The following DGKH variants were observed in gnomAD, a reference collection of about 807,000 sequenced individuals.
DGKH encodes the protein diacylglycerol kinase eta.
DGKH carries 90 observed loss-of-function variants against 159.3 expected under a neutral mutation model. That is an observed-to-expected ratio of 0.57 (90% confidence interval 0.48 to 0.67). The LOEUF is 0.67. DGKH is among the 30% of genes least tolerant of loss of function. The probability of loss-of-function intolerance (pLI) is 0.00; values close to 1 mark genes in which losing one functional copy is unlikely to be tolerated. For missense variants in DGKH, 1,181 were observed against 1,506.1 expected (o/e 0.78, Z 3.57); for synonymous variants, 536 against 553.8 (o/e 0.97, Z 0.45).
At chr13:42,123,533 A>C (rs1327535010) in intron 1 of DGKH, among the ~76,000 whole-genome samples, 1 of 39,128 alleles carries the variant, frequency 2.6e-5, no homozygotes, top group Non-Finnish European at 5.0e-5. Flanking sequence ...AAAAGATGCC[A>C]TTAATACAAT....
At position 42,209,348 on chromosome 13, in the gene DGKH, C is replaced by T. The variant is rs1183777981; in HGVS notation, c.2733C>T (p.Ile911=). ...HRIAQCRTVK[I]TIFGDEGVPV... The stretch of plus-strand genomic sequence containing the variant: ...TATTTCAGTGCCGTACAGTGAAAAT[C>T]ACTATATTTGGTGACGAAGGAGTCC... The change falls in exon 23 of 30, where the codon ATC becomes ATT. Residue 911 remains isoleucine, a synonymous_variant. Transcript: ENST00000337343. 2 of 1,612,618 alleles carry T rather than the reference C, an allele frequency of 1.2e-6. No homozygotes were observed. Among genetic ancestry groups the T allele is most frequent in the Non-Finnish European group, 1.7e-6 (2 of 1,179,518 alleles).
At chr13:42,215,372 T>C (rs1957763647) in intron 25 of DGKH, among the ~76,000 whole-genome samples, 1 of 152,140 alleles carries the variant, frequency 6.6e-6, no homozygotes, top group Admixed American at 6.6e-5. Context: ...TTCACTGTAA[T>C]CGGTGCATTC....
At chr13:42,119,170 C>T (rs1279251576) in intron 1 of DGKH, among the ~76,000 whole-genome samples, 1 of 152,192 alleles carries the variant, frequency 6.6e-6, no homozygotes, top group Non-Finnish European at 1.5e-5. Context: ...TCCGGAATCC[C>T]CCTTGGCAGT....
intron 26 of DGKH, among the ~76,000 whole-genome samples, chr13:42,217,146 C>T (rs1957821007): frequency 6.6e-6 from 1 of 152,152 alleles, no homozygotes; most frequent in African/African-American, 2.4e-5. Context: ...CTAAGGTTTA[C>T]TCTATATTTT....
In DGKH at chr13:42,241,376, A is replaced by G. The variant is rs969612187; in HGVS notation, c.*12188A>G. ...CAGAGAGGAGTCTCCTTCCACCCAAAAAAACTAACCAAATTATTTTATCAT... is the reference window on the plus strand; with the variant it reads ...CAGAGAGGAGTCTCCTTCCACCCAAGAAAACTAACCAAATTATTTTATCAT... On this transcript the variant is annotated 3_prime_UTR_variant, in exon 30 of 30. Transcript: ENST00000337343. 4 of 152,206 alleles carry G rather than the reference A, an allele frequency of 2.6e-5. No individual in the cohort carries two copies. Among genetic ancestry groups the G allele is most frequent in the Non-Finnish European group, 5.9e-5 (4 of 68,032 alleles). 9.4% of individuals were successfully genotyped at this position (152,206 alleles called of 1,614,324 possible).
intron 29 of DGKH, among the ~76,000 whole-genome samples, chr13:42,226,355 A>G (rs1422266752): frequency 1.3e-5 from 2 of 152,196 alleles, no homozygotes; most frequent in Non-Finnish European, 2.9e-5. Flanking sequence ...GTGGGAATGT[A>G]AATTAGTTCA....
intron 14 of DGKH, among the ~76,000 whole-genome samples, chr13:42,188,466 C>T (rs1288804984): frequency 6.6e-6 from 1 of 152,164 alleles, no homozygotes; most frequent in Non-Finnish European, 1.5e-5. Flanking sequence ...TTGTTCACTC[C>T]TTTGCAAACC....
At chr13:42,211,709 G>GA (rs1300316376) in intron 24 of DGKH, among the ~76,000 whole-genome samples, 5 of 151,776 alleles carry the variant, frequency 3.3e-5, no homozygotes. Flanking sequence ...AAAAAAAGAA[G>GA]AAAAAAAAGA....
At position 42,185,995 on chromosome 13, in the gene DGKH, A is replaced by AGTG. The variant is rs1159558879; in HGVS notation, c.1539-1038_1539-1036dup. 1.1e-4 allele frequency among the ~76,000 whole-genome samples: 16 copies of AGTG among 143,018 alleles called. 1 individual carries two copies. The highest frequency in any genetic ancestry group is 9.4e-4 in the South Asian group (4 of 4,250). 93.8% of individuals were successfully genotyped at this position (143,018 alleles called of 152,430 possible). ...TAGTGTGTGTGTCTGTTGGGGGAGG[A>AGTG]GTGGTGGTGGTGGTGGTGTGTGTGT... On this transcript the variant is annotated intron_variant, in intron 13 of 29. Coordinates refer to ENST00000337343, the MANE Select transcript of DGKH (RefSeq NM_178009.5).
chr13:42,244,903 C>CAAAAAAAAAAAAA, downstream of DGKH, among the ~76,000 whole-genome samples: 1 of 42,966 alleles, frequency 2.3e-5, no homozygotes, highest in Non-Finnish European at 3.8e-5. Flanking sequence ...GACTCCGTCT[C>CAAAAAAAAAAAAA]AAAAAAAAAA....
chr13:42,052,331 T>TTTA (rs2137644011), intron 1 of DGKH, among the ~76,000 whole-genome samples: 1 of 152,376 alleles, frequency 6.6e-6, no homozygotes, highest in Non-Finnish European at 1.5e-5. Flanking sequence ...TCCTCTCTAC[T>TTTA]ATTTTCCTCT....
downstream of DGKH, among the ~76,000 whole-genome samples, chr13:42,243,710 A>C (rs79412454): frequency 0.11 from 15,984 of 152,138 alleles, 921 homozygotes; most frequent in African/African-American, 0.12. Flanking sequence ...GTGTGTGAGA[A>C]AGGCAGAGAG....
intron 1 of DGKH, among the ~76,000 whole-genome samples, chr13:42,087,679 T>G (rs1954333918): frequency 1.3e-5 from 2 of 150,840 alleles, no homozygotes; most frequent in African/African-American, 2.4e-5. Flanking sequence ...TAAAGAAAAG[T>G]CAATTTGAAG....
intron 1 of DGKH, among the ~76,000 whole-genome samples, chr13:42,054,811 A>G (rs1168414152): frequency 1.3e-5 from 2 of 152,212 alleles, no homozygotes; most frequent in African/African-American, 4.8e-5. Context: ...TCATTTCACA[A>G]TGAATACATA....
chr13:42,099,027 G>C (rs1489049437), intron 1 of DGKH, among the ~76,000 whole-genome samples: 1 of 152,220 alleles, frequency 6.6e-6, no homozygotes, highest in Non-Finnish European at 1.5e-5. Context: ...AGAAATCAGT[G>C]TGGGCCAGGA....
chr13:42,206,162 A>T lies in DGKH; in HGVS notation c.2601+16A>T. On this transcript the variant is annotated intron_variant, in intron 21 of 29. Transcript: ENST00000337343. ...AGAGGATGATGTAAGTAATGGGAGTAAATAGTTTGTTTCCTCAAAAATAAT... is the reference window on the plus strand; with the variant it reads ...AGAGGATGATGTAAGTAATGGGAGTTAATAGTTTGTTTCCTCAAAAATAAT... The T allele has an allele frequency of 7.3e-7, 1 of 1,366,104 alleles. No individual in the cohort carries two copies. 84.6% of individuals were successfully genotyped at this position (1,366,104 alleles called of 1,614,324 possible). A position where few individuals can be genotyped will look rare whatever the true frequency, so the allele number is the denominator to read the frequency against.
Position 42,048,898 on chromosome 13 carries a change from A to T in DGKH, c.125A>T (p.Glu42Val). ...CCGGGAGAGGATTCGTCTGACAGCG[A>T]AGCGGAGCAAGAGGGACCCCAGAAA... Reference protein sequence around the residue: ...AGPGEDSSDSEAEQEGPQKLI... With the variant: ...AGPGEDSSDSVAEQEGPQKLI... Residue 42 changes from glutamate to valine, a missense_variant, in exon 1 of 30, where the codon GAA becomes GTA. By Grantham distance (121) the Glu-to-Val change is moderately radical. Around this residue, in one of 5 missense-constraint regions of DGKH, gnomAD observed 136 missense variants for 132.2 expected, o/e 1.03. Transcript: ENST00000337343. The surrounding 1 kb of genome is among the most constrained non-coding windows in gnomAD (Gnocchi z 6.7). 7.3e-7 allele frequency: 1 copy of T among 1,372,784 alleles called. No homozygotes were observed. The highest frequency in any genetic ancestry group is 9.5e-7 in the Non-Finnish European group (1 of 1,057,298). 85.0% of individuals were successfully genotyped at this position (1,372,784 alleles called of 1,614,324 possible). A position where few individuals can be genotyped will look rare whatever the true frequency, so the allele number is the denominator to read the frequency against.
intron 20 of DGKH, among the ~76,000 whole-genome samples, chr13:42,201,391 G>A (rs1050646277): frequency 1.1e-4 from 17 of 152,170 alleles, no homozygotes; most frequent in Admixed American, 5.9e-4. Flanking sequence ...AGATGGGTAA[G>A]TGATCACTTT....
chr13:42,249,022 T>C (rs917659780), intron 29 of DGKH, among the ~76,000 whole-genome samples: 1 of 152,238 alleles, frequency 6.6e-6, no homozygotes, highest in East Asian at 1.9e-4. Context: ...TTTAACAAAA[T>C]AGCACTTATG....
Sources: allele counts gnomAD v4.1 joint callset (sites outside exome capture counted in the v4.1 genomes callset), GRCh38; gene constraint gnomAD v4.1.1; regional missense constraint gnomAD v4.1.1; non-coding constraint Gnocchi (gnomAD v3.1); transcripts MANE v1.5; gene names NCBI Gene and HGNC (gene_info 2026-07-23, HGNC 2026-07-21).